Variants in ZNF195 observed in about 807,000 individuals in gnomAD.
The protein encoded by ZNF195 is hypoxia-regulated factor-1.
In ZNF195, 11 loss-of-function variants were observed where a neutral mutation model predicts 19.5. The observed-to-expected ratio is 0.57, with a 90% CI of 0.36 to 0.94. ZNF195 has a LOEUF of 0.94. ZNF195 is among the 40% of genes least tolerant of loss of function. ZNF195 has a pLI of 0.01. For missense variants in ZNF195, 582 were observed against 709.0 expected (o/e 0.82, Z 2.03); for synonymous variants, 214 against 248.1 (o/e 0.86, Z 1.29).
At position 3,361,799 on chromosome 11, in the gene ZNF195, G is replaced by A. The variant is rs745440012; in HGVS notation, c.317C>T (p.Thr106Ile). The A allele has an allele frequency of 4.7e-6, 5 of 1,070,062 alleles. No individual in the cohort carries two copies. In the South Asian group the frequency reaches 5.2e-5, roughly 11 times the overall value. The allele number at this position is 1,070,062 out of a possible 1,614,324, so 66.3% of individuals were successfully genotyped here. A position where few individuals can be genotyped will look rare whatever the true frequency, so the allele number is the denominator to read the frequency against. Residue 106 changes from threonine (T) to isoleucine (I), a missense_variant, in exon 4 of 6, where the codon ACA (threonine) becomes ATA (isoleucine). This residue lies in a region of ZNF195 where 129 missense variants were observed against 112.1 expected (regional missense o/e 1.15). Coordinates refer to ENST00000399602, the MANE Select transcript of ZNF195 (RefSeq NM_001130520.3). ...TGGCTGGGCACGGTGGTTCACACCT[G>A]TAATCCCAGCACTTTGGGAGGCTGA... ...PASASQSAGI[T>I]GVNHRAQPGL...
At chr11:3,376,322 A>G (rs751027155) in intron 1 of ZNF195, among the ~76,000 whole-genome samples, 1 of 151,684 alleles carries the variant, frequency 6.6e-6, no homozygotes. Flanking sequence ...CACTAACGAT[A>G]GCTGATAACT....
At chr11:3,370,199 CACACATATAT>C (rs1486988983) in intron 3 of ZNF195, among the ~76,000 whole-genome samples, 2 of 10,170 alleles carry the variant, frequency 2.0e-4, no homozygotes, top group East Asian at 1.0e-3. Flanking sequence ...GATATATACA[CACACATATAT>C]ACACACATAT....
chr11:3,371,371 C>T (rs1433888598), intron 2 of ZNF195, among the ~76,000 whole-genome samples: 1 of 150,408 alleles, frequency 6.6e-6, no homozygotes, highest in Non-Finnish European at 1.5e-5. Context: ...TACAGATCAG[C>T]TGAAAAAAAA....
intron 1 of ZNF195, among the ~76,000 whole-genome samples, 162 bp from the exon 2 acceptor site, chr11:3,371,865 C>T (rs1240791755): frequency 6.6e-6 from 1 of 152,166 alleles, no homozygotes; most frequent in African/African-American, 2.4e-5. Flanking sequence ...TGCCTGAGAG[C>T]CACATAAGCA....
chr11:3,365,710 CAT>C (rs1395431608), intron 3 of ZNF195, among the ~76,000 whole-genome samples: 1 of 152,068 alleles, frequency 6.6e-6, no homozygotes, highest in Non-Finnish European at 1.5e-5. Flanking sequence ...GATTTTAAAA[CAT>C]ATAAAGAGCT....
chr11:3,367,977 C>CT (rs1848987042), intron 3 of ZNF195, among the ~76,000 whole-genome samples: 1 of 151,966 alleles, frequency 6.6e-6, no homozygotes, highest in African/African-American at 2.4e-5. Context: ...ACTCAGGAGG[C>CT]TGAGGCAGAA....
At chr11:3,370,197 CACACACATATATACACACATATAT>C (rs34887649) in intron 3 of ZNF195, among the ~76,000 whole-genome samples, 15 of 150,686 alleles carry the variant, frequency 1.0e-4, no homozygotes, top group African/African-American at 1.7e-4. Context: ...ATGATATATA[CACACACATATATACACACATATAT>C]ACACACATAT....
Position 3,371,670 on chromosome 11 carries a change from A to C in ZNF195, c.37T>G (p.Phe13Val). 6.2e-7 allele frequency: 1 copy of C among 1,612,676 alleles called. No homozygotes were observed. Among genetic ancestry groups the C allele is most frequent in the Non-Finnish European group, 8.5e-7 (1 of 1,179,026 alleles). ...AGGCATTTCCACTCCTCCAGGGAGA[A>C]TTCTATGGCCACATCCCTGAACGTC... is the stretch of plus-strand genomic sequence containing the variant. ...LLTFRDVAIE[F>V]SLEEWKCLDL... The change falls in exon 2 of 6, where the codon TTC (phenylalanine) becomes GTC (valine). Residue 13 changes from phenylalanine to valine, a missense_variant. Physicochemically the swap from Phe to Val is conservative, Grantham distance 50. This residue lies in a region of ZNF195 where 46 missense variants were observed against 66.5 expected (regional missense o/e 0.69). Transcript: ENST00000399602.
chr11:3,379,102 C>T lies in ZNF195; in HGVS notation c.-62G>A. ...GATCTCCCGGTGCCTGCGGGTCACA[C>T]GACCTACGGCTAGCAGGGGACACAG... On this transcript the variant is annotated 5_prime_UTR_variant, in exon 1 of 6. The change creates a new upstream start codon in the 5' untranslated region. Coordinates refer to ENST00000399602, the MANE Select transcript of ZNF195 (RefSeq NM_001130520.3). The T allele has an allele frequency of 1.4e-6, 2 of 1,466,076 alleles. No homozygotes were observed. The highest frequency in any genetic ancestry group is 2.6e-5 in the East Asian group (1 of 38,098). 90.8% of individuals were successfully genotyped at this position (1,466,076 alleles called of 1,614,324 possible).
At chr11:3,370,354 T>A (rs1849140952) in intron 3 of ZNF195, among the ~76,000 whole-genome samples, 1 of 152,102 alleles carries the variant, frequency 6.6e-6, no homozygotes, top group African/African-American at 2.4e-5. Context: ...GAATATAAAG[T>A]TTAAATGACC....
In ZNF195 at chr11:3,363,735, T is replaced by A. The variant is rs6578337; in HGVS notation, c.227-1846A>T. On this transcript the variant is annotated intron_variant, in intron 3 of 5. Transcript: ENST00000399602. ...ACAATTTTCAAACAGAGGAACAATG[T>A]TGGAGGTATCACACTGTCTGATTTC... 9.9e-5 allele frequency among the ~76,000 whole-genome samples: 15 copies of A among 152,120 alleles called. No individual in the cohort carries two copies. In the East Asian group the frequency reaches 2.7e-3, roughly 27 times the overall value.
At chr11:3,363,384 T>C (rs1000129116) in intron 3 of ZNF195, 8 of 152,170 alleles carry the variant, frequency 5.3e-5, no homozygotes, top group African/African-American at 1.9e-4. Context: ...TTCTCTAGGA[T>C]AGGCCACCTG....
chr11:3,372,878 T>A (rs73410545), intron 1 of ZNF195, among the ~76,000 whole-genome samples: 2,642 of 152,300 alleles, frequency 0.017, 84 homozygotes, highest in African/African-American at 0.061. Flanking sequence ...ACTACCCACA[T>A]GTGCCACCAC....
At chr11:3,372,242 A>G (rs370699894) in intron 1 of ZNF195, among the ~76,000 whole-genome samples, 27 of 152,370 alleles carry the variant, frequency 1.8e-4, no homozygotes, top group African/African-American at 6.5e-4. Flanking sequence ...CATCTTCTAA[A>G]GCAAGGCATA....
At chr11:3,368,754 A>G (rs927945183) in intron 3 of ZNF195, 4 of 447,104 alleles carry the variant, frequency 8.9e-6, no homozygotes, top group African/African-American at 4.0e-5. Context: ...GGGACAGAAC[A>G]GAGAGCCCAG....
In ZNF195 at chr11:3,358,849, A is replaced by T; in HGVS notation, c.*269T>A. ...TTTTCTAAGCTATCATTTTTGAACA[A>T]ATGTTATTCCACATTTATGAGATTT... On this transcript the variant is annotated 3_prime_UTR_variant, in exon 6 of 6. Transcript: ENST00000399602. The T allele has an allele frequency of 2.7e-6, 1 of 364,484 alleles. No homozygotes were observed. The highest frequency in any genetic ancestry group is 4.8e-6 in the Non-Finnish European group (1 of 208,934). 22.6% of individuals were successfully genotyped at this position (364,484 alleles called of 1,614,324 possible).
intron 3 of ZNF195, chr11:3,368,842 T>A (rs1849035945): frequency 2.2e-6 from 1 of 455,790 alleles, no homozygotes; most frequent in Admixed American, 2.4e-5. Context: ...GTATAGTCTC[T>A]TCAACACTTG....
chr11:3,361,099 C>T (rs1449883586), intron 4 of ZNF195, among the ~76,000 whole-genome samples: 5 of 152,128 alleles, frequency 3.3e-5, no homozygotes, highest in South Asian at 4.2e-4. Context: ...CAGCACCAGG[C>T]GACAAGTGTA....
At chr11:3,362,587 A>G (rs1299799510) in intron 3 of ZNF195, 2 of 600,436 alleles carry the variant, frequency 3.3e-6, no homozygotes, top group Non-Finnish European at 6.1e-6. Flanking sequence ...TTCCATGGTA[A>G]CCACAAAGAA....
Sources: allele counts gnomAD v4.1 joint callset (sites outside exome capture counted in the v4.1 genomes callset), GRCh38; gene constraint gnomAD v4.1.1; regional missense constraint gnomAD v4.1.1; transcripts MANE v1.5; gene names NCBI Gene and HGNC (gene_info 2026-07-23, HGNC 2026-07-21).